Variants in FNDC3B observed in about 807,000 individuals in gnomAD.
FNDC3B encodes fibronectin type III domain containing 3B, also known as fibronectin type III domain-containing protein 3B.
FNDC3B carries 12 observed loss-of-function variants against 151.5 expected under a neutral mutation model. The ratio of observed to expected loss-of-function variants is 0.08; its 90% CI spans 0.05 to 0.13. The LOEUF (loss-of-function observed/expected upper bound fraction) is 0.13, where lower values mean the gene tolerates loss of function less well. Among genes scored for constraint, FNDC3B ranks in the 10% least tolerant of loss-of-function variants. FNDC3B has a pLI of 1.00. For missense variants in FNDC3B, 1,214 were observed against 1,505.3 expected (o/e 0.81, Z 3.20); for synonymous variants, 528 against 549.0 (o/e 0.96, Z 0.54).
rs368101446 is a variant in FNDC3B, at chr3:172,223,646, T to A, written c.188-3225T>A. Among the ~76,000 whole-genome samples, 27 of 152,362 alleles carry A rather than the reference T, an allele frequency of 1.8e-4. 1 individual carries two copies. The highest frequency in any genetic ancestry group is 6.5e-4 in the African/African-American group (27 of 41,576). ...GAGATGGTAGCACCTCTGTTCACAC[T>A]CTGTACTGTGAAACATTTTATTTTT... On this transcript the variant is annotated intron_variant, in intron 3 of 25. Coordinates refer to ENST00000415807, the MANE Select transcript of FNDC3B (RefSeq NM_022763.4).
chr3:172,094,815 T>C (rs1263957551), intron 1 of FNDC3B, among the ~76,000 whole-genome samples: 2 of 151,360 alleles, frequency 1.3e-5, no homozygotes, highest in Non-Finnish European at 2.9e-5. Flanking sequence ...TGTGAGCGGG[T>C]GTGTAGTGGC....
intron 6 of FNDC3B, among the ~76,000 whole-genome samples, chr3:172,259,771 C>G (rs553331071): frequency 2.3e-4 from 35 of 152,236 alleles, no homozygotes; most frequent in Non-Finnish European, 3.5e-4. Flanking sequence ...CTTTCCCCCT[C>G]GTATTTTTGT....
intron 1 of FNDC3B, among the ~76,000 whole-genome samples, chr3:172,073,029 C>T (rs528373759): frequency 6.6e-6 from 1 of 152,300 alleles, no homozygotes; most frequent in Non-Finnish European, 1.5e-5. Context: ...GCAAAGCCTC[C>T]AGATGGTGGC....
chr3:172,175,546 C>T (rs1293300382), intron 3 of FNDC3B, among the ~76,000 whole-genome samples: 3 of 152,160 alleles, frequency 2.0e-5, no homozygotes, highest in Non-Finnish European at 2.9e-5. Flanking sequence ...AGCTGAAGAA[C>T]CTCAAATAGT....
At chr3:172,093,717 C>A (rs1351413209) in intron 1 of FNDC3B, among the ~76,000 whole-genome samples, 1 of 152,096 alleles carries the variant, frequency 6.6e-6, no homozygotes, top group African/African-American at 2.4e-5. Context: ...ACTGGTATAG[C>A]CTTTAAGGTT....
At chr3:172,239,853 G>GTTTTTTTTTTTTT (rs1195281476) in intron 4 of FNDC3B, among the ~76,000 whole-genome samples, 9 of 65,870 alleles carry the variant, frequency 1.4e-4, no homozygotes, top group African/African-American at 5.1e-4. Context: ...ATCCATTTTA[G>GTTTTTTTTTTTTT]TTCTTTTTTT....
At chr3:172,300,519 G>GAGCGAGACTTCAT (rs1250890316) in intron 9 of FNDC3B, among the ~76,000 whole-genome samples, 1 of 151,894 alleles carries the variant, frequency 6.6e-6, no homozygotes, top group African/African-American at 2.4e-5. Flanking sequence ...TTGCTCATCA[G>GAGCGAGACTTCAT]CTATTTTTAC....
intron 2 of FNDC3B, among the ~76,000 whole-genome samples, chr3:172,132,503 T>G (rs553505749): frequency 6.6e-6 from 1 of 152,270 alleles, no homozygotes; most frequent in Admixed American, 6.5e-5. Context: ...CCTCCTGGGT[T>G]CAAGCCATTT....
intron 1 of FNDC3B, among the ~76,000 whole-genome samples, chr3:172,109,051 T>A (rs1719823002): frequency 6.6e-6 from 1 of 152,332 alleles, no homozygotes; most frequent in African/African-American, 2.4e-5. Flanking sequence ...TTAAACATCG[T>A]TGGCTGCATG....
chr3:172,068,522 C>T (rs140597485), intron 1 of FNDC3B, among the ~76,000 whole-genome samples: 6 of 147,704 alleles, frequency 4.1e-5, no homozygotes, highest in African/African-American at 7.4e-5. Flanking sequence ...CACCCGGGTT[C>T]AAGCAATTCT....
At chr3:172,282,553 C>T (rs1994961) in intron 6 of FNDC3B, among the ~76,000 whole-genome samples, 79,796 of 152,024 alleles carry the variant, frequency 0.52, 23,993 homozygotes, top group African/African-American at 0.84. Context: ...TTCTTCCTTT[C>T]TTCATATACA....
chr3:172,354,869 C>CTTTTTTTTTTTTTTT (rs770411626), intron 22 of FNDC3B, among the ~76,000 whole-genome samples: 1 of 129,100 alleles, frequency 7.7e-6, no homozygotes, highest in Non-Finnish European at 1.7e-5. Flanking sequence ...GTTTGATTTT[C>CTTTTTTTTTTTTTTT]TTTTTTTTTT....
intron 15 of FNDC3B, 86 bp from the exon 16 acceptor site, chr3:172,337,241 ATGG>A: frequency 1.2e-6 from 1 of 858,542 alleles, no homozygotes; most frequent in Admixed American, 2.0e-5. Flanking sequence ...AGATAGTATA[ATGG>A]TGTGTGATTT....
At chr3:172,300,783 C>G (rs1730870414) in intron 9 of FNDC3B, among the ~76,000 whole-genome samples, 1 of 152,182 alleles carries the variant, frequency 6.6e-6, no homozygotes, top group African/African-American at 2.4e-5. Context: ...GTTCTCTCTC[C>G]TTGGGGATGG....
intron 1 of FNDC3B, among the ~76,000 whole-genome samples, chr3:172,051,942 C>A (rs1421936809): frequency 6.6e-6 from 1 of 151,974 alleles, no homozygotes; most frequent in East Asian, 1.9e-4. Context: ...AAAATATGGG[C>A]CCTCAATTAT....
intron 7 of FNDC3B, among the ~76,000 whole-genome samples, chr3:172,289,276 C>G (rs1002112123): frequency 1.3e-5 from 2 of 152,172 alleles, no homozygotes; most frequent in African/African-American, 4.8e-5. Flanking sequence ...TTCTCACATG[C>G]CTGTCTCTCA....
intron 3 of FNDC3B, among the ~76,000 whole-genome samples, chr3:172,214,021 C>T (rs1438828491): frequency 6.6e-6 from 1 of 152,090 alleles, no homozygotes; most frequent in African/African-American, 2.4e-5. Context: ...CGCCATAAAG[C>T]AGTCTGGTGC....
At chr3:172,288,939 A>G (rs947963986) in intron 7 of FNDC3B, among the ~76,000 whole-genome samples, 4 of 152,200 alleles carry the variant, frequency 2.6e-5, no homozygotes, top group Admixed American at 1.3e-4. Context: ...GAAGAGTGCC[A>G]TGCTTGTTCG....
At chr3:172,147,658 C>A (rs1486805564) in intron 3 of FNDC3B, among the ~76,000 whole-genome samples, 4 of 152,066 alleles carry the variant, frequency 2.6e-5, no homozygotes, top group African/African-American at 9.7e-5. Context: ...GGTTCTACCC[C>A]CAGGGTTTCT....
Sources: gnomAD v4.1 joint callset for allele counts (sites outside exome capture counted in the v4.1 genomes callset) on GRCh38, gnomAD v4.1.1 for gene constraint, MANE v1.5 for transcripts, NCBI Gene and HGNC (gene_info 2026-07-23, HGNC 2026-07-21) for gene names.